GUCY1A2: variants seen among roughly 807,000 people sequenced by gnomAD.
The protein encoded by GUCY1A2 is guanylate cyclase 1 soluble subunit alpha 2.
Under a neutral mutation model 63.5 loss-of-function variants are expected in GUCY1A2, and 27 were observed. The observed-to-expected ratio is 0.43, with a 90% confidence interval of 0.31 to 0.59. GUCY1A2 has a LOEUF of 0.59. Ranked by LOEUF, GUCY1A2 falls within the 20% of genes least tolerant of loss-of-function variation. The probability of loss-of-function intolerance (pLI) is 0.11; values close to 1 mark genes in which losing one functional copy is unlikely to be tolerated. For missense variants in GUCY1A2, 768 were observed against 913.3 expected (o/e 0.84, Z 2.05); for synonymous variants, 364 against 343.5 (o/e 1.06, Z -0.66).
chr11:106,992,533 T>C (rs1256718581), intron 1 of GUCY1A2, among the ~76,000 whole-genome samples: 10 of 151,870 alleles, frequency 6.6e-5, no homozygotes, highest in Non-Finnish European at 1.3e-4. Flanking sequence ...GGTTTCACCA[T>C]GTTGGCCAGG....
chr11:106,867,257 A>G (rs1485985402), intron 4 of GUCY1A2, among the ~76,000 whole-genome samples: 1 of 152,086 alleles, frequency 6.6e-6, no homozygotes, highest in Non-Finnish European at 1.5e-5. Context: ...AACACTACAC[A>G]GGGAAATAAA....
At chr11:106,734,412 T>C (rs1245028784) in intron 6 of GUCY1A2, among the ~76,000 whole-genome samples, 1 of 152,138 alleles carries the variant, frequency 6.6e-6, no homozygotes. Context: ...ATCTTTTATG[T>C]ACCCTTTTAC....
At chr11:106,819,323 A>C (rs1040688044) in intron 4 of GUCY1A2, among the ~76,000 whole-genome samples, 5 of 152,202 alleles carry the variant, frequency 3.3e-5, no homozygotes, top group African/African-American at 1.2e-4. Context: ...ACATATTCAA[A>C]TTTTGAAAGC....
intron 3 of GUCY1A2, among the ~76,000 whole-genome samples, chr11:106,951,736 TTTAA>T (rs1860912065): frequency 6.6e-6 from 1 of 152,236 alleles, no homozygotes; most frequent in South Asian, 2.1e-4. Flanking sequence ...AGCTCTTTAG[TTTAA>T]TTAGACCCCA....
chr11:106,965,786 AG>A (rs1861119779), intron 3 of GUCY1A2, among the ~76,000 whole-genome samples: 1 of 152,146 alleles, frequency 6.6e-6, no homozygotes, highest in Non-Finnish European at 1.5e-5. Flanking sequence ...GACTTTGTCT[AG>A]CCCAAAATAC....
At chr11:106,948,446 G>C (rs1258931484) in intron 3 of GUCY1A2, among the ~76,000 whole-genome samples, 1 of 152,050 alleles carries the variant, frequency 6.6e-6, no homozygotes, top group Non-Finnish European at 1.5e-5. Flanking sequence ...GATCATATCA[G>C]TAGATTCTGA....
chr11:106,928,490 A>G (rs1172471936), intron 4 of GUCY1A2, among the ~76,000 whole-genome samples: 1 of 152,082 alleles, frequency 6.6e-6, no homozygotes, highest in African/African-American at 2.4e-5. Context: ...CTCCAAGGAA[A>G]AAAAAAAAAC....
intron 4 of GUCY1A2, among the ~76,000 whole-genome samples, chr11:106,853,885 T>C (rs1859390189): frequency 6.6e-6 from 1 of 152,006 alleles, no homozygotes; most frequent in Admixed American, 6.6e-5. Context: ...AGTAGTGTAG[T>C]CTCTGTATGA....
At chr11:107,003,727 C>T (rs537497518) in intron 1 of GUCY1A2, among the ~76,000 whole-genome samples, 1 of 152,276 alleles carries the variant, frequency 6.6e-6, no homozygotes, top group South Asian at 2.1e-4. Flanking sequence ...TGCCACCTTC[C>T]CATTACTGAA....
rs1240560475 is a variant in GUCY1A2 at position 106,677,530 on chromosome 11, C to G, written c.*10019G>C. On this transcript the variant is annotated 3_prime_UTR_variant, in exon 8 of 8. Transcript: ENST00000526355. ...CACTGGGGAGACATCTATGATGTGA[C>G]AAGTTATTTTTGTCCCTTTAAATAT... is the stretch of plus-strand genomic sequence containing the variant. 4.8e-6 allele frequency: 1 copy of G among 209,170 alleles called. No individual in the cohort carries two copies. Among genetic ancestry groups the G allele is most frequent in the Non-Finnish European group, 9.7e-6 (1 of 102,868 alleles). 13.0% of individuals were successfully genotyped at this position (209,170 alleles called of 1,614,324 possible).
chr11:106,852,935 G>A (rs1015585972), intron 4 of GUCY1A2, among the ~76,000 whole-genome samples: 27 of 152,102 alleles, frequency 1.8e-4, no homozygotes, highest in African/African-American at 6.3e-4. Flanking sequence ...TTGGCTGGCA[G>A]TATTTTCCTT....
At chr11:106,876,349 G>A (rs1859748350) in intron 4 of GUCY1A2, among the ~76,000 whole-genome samples, 1 of 151,890 alleles carries the variant, frequency 6.6e-6, no homozygotes, top group Admixed American at 6.6e-5. Context: ...CATCACTATG[G>A]TCCAAAAACA....
chr11:106,757,664 G>A (rs1026245796), intron 6 of GUCY1A2, among the ~76,000 whole-genome samples: 1 of 152,136 alleles, frequency 6.6e-6, no homozygotes, highest in Non-Finnish European at 1.5e-5. Context: ...CTGTTTACCC[G>A]GGTATCACCA....
rs1311837575 is a variant in GUCY1A2, at chr11:106,675,598, A to G, written c.*11951T>C. On this transcript the variant is annotated 3_prime_UTR_variant, in exon 8 of 8. Coordinates refer to ENST00000526355, the MANE Select transcript of GUCY1A2 (RefSeq NM_000855.3). ...ATCTTAATTTCTTCTATTTTTCTCA[A>G]CCATATTTCTTCTATTTTTACAATC... 5.3e-6 allele frequency: 1 copy of G among 190,424 alleles called. No individual in the cohort carries two copies. The highest frequency in any genetic ancestry group is 2.3e-5 in the African/African-American group (1 of 42,956). The allele number at this position is 190,424 out of a possible 1,614,324, so 11.8% of individuals were successfully genotyped here.
At chr11:106,940,455 A>T (rs1037340390) in intron 3 of GUCY1A2, among the ~76,000 whole-genome samples, 16 of 152,186 alleles carry the variant, frequency 1.1e-4, no homozygotes, top group African/African-American at 3.9e-4. Context: ...TTAGAGTCAC[A>T]GCAAAATTGA....
chr11:106,892,856 T>C (rs774035354), intron 4 of GUCY1A2, among the ~76,000 whole-genome samples: 13 of 152,146 alleles, frequency 8.5e-5, no homozygotes, highest in Admixed American at 7.9e-4. Context: ...ATTATTTACA[T>C]ACAAGAGAAT....
chr11:106,776,315 C>T (rs1864356361), intron 6 of GUCY1A2, 124 bp downstream of exon 6: 3 of 688,392 alleles, frequency 4.4e-6, no homozygotes, highest in Non-Finnish European at 7.5e-6. Flanking sequence ...CACTCCTTGT[C>T]CTCCTTAAGC....
At chr11:106,855,515 G>A (rs1191526441) in intron 4 of GUCY1A2, among the ~76,000 whole-genome samples, 2 of 152,092 alleles carry the variant, frequency 1.3e-5, no homozygotes, top group African/African-American at 4.8e-5. Context: ...GATACTTCTA[G>A]TCAGCCACCT....
At chr11:106,886,177 G>A (rs1210547632) in intron 4 of GUCY1A2, among the ~76,000 whole-genome samples, 3 of 152,006 alleles carry the variant, frequency 2.0e-5, no homozygotes, top group Non-Finnish European at 4.4e-5. Flanking sequence ...AAGGCTCTAG[G>A]GCTAAATTCT....
Sources: gnomAD v4.1 joint callset for allele counts (sites outside exome capture counted in the v4.1 genomes callset) on GRCh38, gnomAD v4.1.1 for gene constraint, MANE v1.5 for transcripts, NCBI Gene and HGNC (gene_info 2026-07-23, HGNC 2026-07-21) for gene names.